AGBL4: variants seen among roughly 807,000 people sequenced by gnomAD.
AGBL4 encodes cytosolic carboxypeptidase 6.
A neutral mutation model predicts 66.4 loss-of-function variants in AGBL4; 58 were observed. The observed-to-expected ratio is 0.87, with a 90% CI of 0.71 to 1.09. The LOEUF (loss-of-function observed/expected upper bound fraction) is 1.09. AGBL4 is among the 50% of genes least tolerant of loss of function. AGBL4 has a pLI of 0.00. For missense variants in AGBL4, 579 were observed against 631.0 expected, an observed-to-expected ratio of 0.92 and a Z score of 0.88; for synonymous variants, 234 against 222.9, an observed-to-expected ratio of 1.05 and a Z score of -0.44.
chr1:49,197,391 CAGATGTTGTATTAGG>C, intron 4 of AGBL4, among the ~76,000 whole-genome samples: 1 of 152,268 alleles, frequency 6.6e-6, no homozygotes, highest in Admixed American at 6.5e-5. Context: ...TTTGTGTTGG[CAGATGTTGTATTAGG>C]CTGTGCAGGT....
At chr1:48,963,852 CA>C (rs1450281008) in intron 5 of AGBL4, among the ~76,000 whole-genome samples, 9 of 152,160 alleles carry the variant, frequency 5.9e-5, no homozygotes, top group African/African-American at 1.9e-4. Context: ...TTACAGTTTA[CA>C]AAGTCCTTTC....
chr1:49,851,927 CATAT>C (rs1646315383), intron 1 of AGBL4, among the ~76,000 whole-genome samples: 1 of 152,078 alleles, frequency 6.6e-6, no homozygotes, highest in Admixed American at 6.6e-5. Context: ...TTGTCATAAA[CATAT>C]ATTCAATTGT....
At chr1:49,223,567 A>C (rs1175200989) in intron 4 of AGBL4, among the ~76,000 whole-genome samples, 1 of 152,148 alleles carries the variant, frequency 6.6e-6, no homozygotes, top group Admixed American at 6.5e-5. Context: ...CCTAGTGCAA[A>C]ATGAAAATGT....
chr1:49,010,995 A>G (rs1407588242), intron 5 of AGBL4, among the ~76,000 whole-genome samples: 2 of 152,242 alleles, frequency 1.3e-5, no homozygotes, highest in Non-Finnish European at 2.9e-5. Context: ...CTAAAACACC[A>G]AAAGCAATGG....
At chr1:49,616,369 C>G (rs1645249831) in intron 3 of AGBL4, among the ~76,000 whole-genome samples, 1 of 152,116 alleles carries the variant, frequency 6.6e-6, no homozygotes, top group Non-Finnish European at 1.5e-5. Context: ...TTTGGTTTTA[C>G]TATATTATAC....
chr1:49,001,243 T>C (rs896724896), intron 5 of AGBL4, among the ~76,000 whole-genome samples: 18 of 152,246 alleles, frequency 1.2e-4, no homozygotes, highest in African/African-American at 4.3e-4. Context: ...GTTAAAGTTA[T>C]AACATGACCC....
intron 3 of AGBL4, among the ~76,000 whole-genome samples, chr1:49,265,026 T>A (rs1321562404): frequency 6.6e-6 from 1 of 152,246 alleles, no homozygotes; most frequent in African/African-American, 2.4e-5. Flanking sequence ...CACTATGTTT[T>A]AAAATTTTTT....
chr1:49,223,698 A>G (rs1326765222), intron 4 of AGBL4, among the ~76,000 whole-genome samples: 1 of 152,238 alleles, frequency 6.6e-6, no homozygotes, highest in East Asian at 1.9e-4. Context: ...CCTTGAAAAC[A>G]GTCCTGGATT....
intron 1 of AGBL4, among the ~76,000 whole-genome samples, chr1:50,013,682 A>G (rs1661720627): frequency 6.6e-6 from 1 of 152,228 alleles, no homozygotes. Flanking sequence ...AATTTTTATT[A>G]AAATTATTAA....
intron 3 of AGBL4, among the ~76,000 whole-genome samples, chr1:49,539,653 T>C (rs1320262480): frequency 6.6e-6 from 1 of 152,206 alleles, no homozygotes; most frequent in Non-Finnish European, 1.5e-5. Flanking sequence ...GAGCCGCATA[T>C]TTATATACAA....
At chr1:49,888,226 G>A (rs1648269407) in intron 1 of AGBL4, among the ~76,000 whole-genome samples, 1 of 152,072 alleles carries the variant, frequency 6.6e-6, no homozygotes. Flanking sequence ...TGTGAAAAAA[G>A]TAATCTCAAA....
intron 6 of AGBL4, among the ~76,000 whole-genome samples, chr1:48,777,477 CCTTTT>C (rs1176108357): frequency 6.6e-6 from 1 of 152,126 alleles, no homozygotes; most frequent in Non-Finnish European, 1.5e-5. Flanking sequence ...TTTGGCCCCG[CCTTTT>C]CTTTGCTTTC....
At chr1:49,747,246 G>C (rs1651057881) in intron 2 of AGBL4, among the ~76,000 whole-genome samples, 1 of 152,062 alleles carries the variant, frequency 6.6e-6, no homozygotes, top group Non-Finnish European at 1.5e-5. Flanking sequence ...CATCAGAACT[G>C]AGTTCTATGA....
At chr1:48,932,882 GT>G (rs984679408) in intron 5 of AGBL4, among the ~76,000 whole-genome samples, 4 of 152,036 alleles carry the variant, frequency 2.6e-5, no homozygotes, top group African/African-American at 4.8e-5. Context: ...CGGAAACAAT[GT>G]TTGACTGTAG....
intron 6 of AGBL4, chr1:48,758,926 T>A (rs1644100035): frequency 6.4e-7 from 1 of 1,564,390 alleles, no homozygotes; most frequent in South Asian, 1.2e-5. Flanking sequence ...GAGCAGCACG[T>A]CCTGGAGCCT....
chr1:49,830,201 C>T (rs1645626725), intron 2 of AGBL4, among the ~76,000 whole-genome samples: 1 of 152,236 alleles, frequency 6.6e-6, no homozygotes, highest in South Asian at 2.1e-4. Flanking sequence ...CACTGTCTTC[C>T]ACAATGGTTG....
chr1:49,080,261 G>C lies in AGBL4; in HGVS notation c.378-34461C>G, dbSNP rs144951952. On this transcript the variant is annotated intron_variant, in intron 4 of 13. Transcript: ENST00000371839. ...AGTTAATGTTCAAGGAGAGTACAAA[G>C]CTGAACTATTTTCAAAGGTGTAAGC... Among the ~76,000 whole-genome samples, 240 of 152,238 alleles carry C rather than the reference G, an allele frequency of 1.6e-3. 4 individuals carry two copies. Among genetic ancestry groups the C allele is most frequent in the African/African-American group, 5.6e-3 (233 of 41,538 alleles).
At chr1:49,564,692 T>C (rs1644146744) in intron 3 of AGBL4, among the ~76,000 whole-genome samples, 1 of 152,228 alleles carries the variant, frequency 6.6e-6, no homozygotes, top group Admixed American at 6.5e-5. Context: ...TAATTTCTAT[T>C]CTTTTACATT....
chr1:49,302,195 T>TA (rs139073744), intron 3 of AGBL4, among the ~76,000 whole-genome samples: 444 of 146,806 alleles, frequency 3.0e-3, no homozygotes, highest in Non-Finnish European at 3.1e-3. Flanking sequence ...ATATTGTCAT[T>TA]AAAAAAAAAA....
Sources: gnomAD v4.1 joint callset for allele counts (sites outside exome capture counted in the v4.1 genomes callset) on GRCh38, gnomAD v4.1.1 for gene constraint, MANE v1.5 for transcripts, NCBI Gene and HGNC (gene_info 2026-07-23, HGNC 2026-07-21) for gene names.